The following RANBP3 variants were observed in gnomAD, a reference collection of about 807,000 sequenced individuals.
The protein encoded by RANBP3 is ran-binding protein 3.
Under a neutral mutation model 77.3 loss-of-function variants are expected in RANBP3, and 14 were observed. That is an observed-to-expected ratio of 0.18 (90% CI 0.12 to 0.28). The LOEUF (loss-of-function observed/expected upper bound fraction) is 0.28, where lower values mean the gene tolerates loss of function less well. Among genes scored for constraint, RANBP3 ranks in the 10% least tolerant of loss-of-function variants. RANBP3 has a pLI of 1.00. For synonymous variants in RANBP3, 315 were observed against 312.4 expected (o/e 1.01, Z -0.09); for missense variants, 586 against 752.3 (o/e 0.78, Z 2.59).
chr19:5,940,825 G>A (rs1038991858), intron 5 of RANBP3, among the ~76,000 whole-genome samples: 4 of 152,242 alleles, frequency 2.6e-5, no homozygotes, highest in Admixed American at 2.0e-4. Flanking sequence ...ACGGGGACGA[G>A]AGAATAGCCC....
chr19:5,925,815 C>A, intron 9 of RANBP3, 78 bp from the exon 10 acceptor site: 1 of 1,211,486 alleles, frequency 8.3e-7, no homozygotes, highest in Non-Finnish European at 1.2e-6. Context: ...CTGCAGACCC[C>A]CTGAGCTGCA....
chr19:5,954,863 T>C (rs2058317166), intron 2 of RANBP3, among the ~76,000 whole-genome samples: 1 of 152,216 alleles, frequency 6.6e-6, no homozygotes, highest in South Asian at 2.1e-4. Flanking sequence ...GTGTTTACTT[T>C]CCACCTCACT....
In RANBP3 at chr19:5,956,366, C is replaced by T. The variant is rs2058334888; in HGVS notation, c.78+1552G>A. 3.9e-5 allele frequency among the ~76,000 whole-genome samples: 6 copies of T among 152,262 alleles called. No individual in the cohort carries two copies. The South Asian group carries it at 1.0e-3, about 26-fold the overall frequency. On this transcript the variant is annotated intron_variant, in intron 2 of 16. Transcript: ENST00000340578. ...AACTAGAGAAATGCACCAGTCCTTTCGTACTGATGGAACCTCCAAAAGACA... is the reference window on the plus strand; with the variant it reads ...AACTAGAGAAATGCACCAGTCCTTTTGTACTGATGGAACCTCCAAAAGACA...
At chr19:5,929,986 G>A (rs570824774) in intron 8 of RANBP3, among the ~76,000 whole-genome samples, 11 of 152,340 alleles carry the variant, frequency 7.2e-5, no homozygotes, top group South Asian at 4.1e-4. Flanking sequence ...GGCTGGAACC[G>A]GCAGGAAGAC....
At chr19:5,969,131 T>C (rs1199540677) in intron 1 of RANBP3, among the ~76,000 whole-genome samples, 1 of 152,194 alleles carries the variant, frequency 6.6e-6, no homozygotes, top group Non-Finnish European at 1.5e-5. Context: ...CGGGAAGGGC[T>C]GGGTGGAGCC....
At position 5,917,822 on chromosome 19, in the gene RANBP3, G is replaced by A; in HGVS notation, c.1632C>T (p.Val544=). The part of the protein sequence containing the change: ...NEEDDSDDDD[V]LAPSGATAAG... ...CTGCGGTGGCCCCTGAAGGAGCCAG[G>A]ACATCGTCATCGTCGCTGTCGTCCT... Residue 544 remains valine (V), a synonymous_variant, in exon 16 of 17, where the codon GTC becomes GTT. Transcript: ENST00000340578. The A allele has an allele frequency of 1.9e-6, 3 of 1,612,088 alleles. No individual in the cohort carries two copies. Among genetic ancestry groups the A allele is most frequent in the Non-Finnish European group, 1.7e-6 (2 of 1,179,530 alleles).
At chr19:5,977,607 G>A (rs2058610372) in intron 1 of RANBP3, among the ~76,000 whole-genome samples, 1 of 152,096 alleles carries the variant, frequency 6.6e-6, no homozygotes. Flanking sequence ...GGGCCTCACG[G>A]GCTTAGGAGA....
In RANBP3 at chr19:5,959,464, G is replaced by A. The variant is rs181562616; in HGVS notation, c.23-1491C>T. ...TGACATTCCCCCCACCATGCTCCCCGAAGCCTCGGCACACCAGGGTCTGAT... is the reference window on the plus strand; with the variant it reads ...TGACATTCCCCCCACCATGCTCCCCAAAGCCTCGGCACACCAGGGTCTGAT... On this transcript the variant is annotated intron_variant, in intron 1 of 16. Coordinates refer to ENST00000340578, the MANE Select transcript of RANBP3 (RefSeq NM_007322.3). This position sits in a 1 kb window ranked among gnomAD's most constrained non-coding sequence, Gnocchi z 5.1. Among the ~76,000 whole-genome samples, 48 of 152,134 alleles carry A rather than the reference G, an allele frequency of 3.2e-4. No homozygotes were observed. Among genetic ancestry groups the A allele is most frequent in the Middle Eastern group, 3.4e-3 (1 of 294 alleles).
intron 10 of RANBP3, chr19:5,925,273 G>A (rs1221845446): frequency 4.3e-6 from 2 of 468,834 alleles, no homozygotes; most frequent in Non-Finnish European, 3.9e-6. Context: ...TGCCCCAGGT[G>A]CCCAAACCCA....
rs894011547 is a variant in RANBP3 at position 5,958,901 on chromosome 19, C to T, written c.23-928G>A. ...TCTGGTGAATGCCTGCTGTGGGCTG[C>T]GGGCTGCGCACTGGTGCCTCCGCGT... On this transcript the variant is annotated intron_variant, in intron 1 of 16. Coordinates refer to ENST00000340578, the MANE Select transcript of RANBP3 (RefSeq NM_007322.3). This position sits in a 1 kb window ranked among gnomAD's most constrained non-coding sequence, Gnocchi z 4.4. 1.3e-5 allele frequency among the ~76,000 whole-genome samples: 2 copies of T among 152,252 alleles called. No individual in the cohort carries two copies. The highest frequency in any genetic ancestry group is 2.4e-5 in the African/African-American group (1 of 41,478).
chr19:5,936,449 A>G (rs1004760577), intron 5 of RANBP3, among the ~76,000 whole-genome samples: 4 of 152,078 alleles, frequency 2.6e-5, no homozygotes, highest in Non-Finnish European at 5.9e-5. Context: ...GCAGAGAGTA[A>G]GAGATCATGT....
intron 9 of RANBP3, among the ~76,000 whole-genome samples, 170 bp downstream of exon 9, chr19:5,927,798 G>A (rs1362668423): frequency 6.6e-6 from 1 of 152,198 alleles, no homozygotes; most frequent in Non-Finnish European, 1.5e-5. Context: ...CCAGGGCCCA[G>A]CACACGCACA....
Position 5,921,263 on chromosome 19 carries a change from C to T in RANBP3, c.1268G>A (p.Arg423Gln), listed in dbSNP as rs1182925899. ...CATGTCATTGAGTCTGAGCAGCCCCCGGCCTCTCTCCACCCAGGACTGTGA... is the reference window on the plus strand; with the variant it reads ...CATGTCATTGAGTCTGAGCAGCCCCTGGCCTCTCTCCACCCAGGACTGTGA... ...KTSQSWVERG[R>Q]GLLRLNDMAS... The change falls in exon 14 of 17, where the codon CGG (arginine) becomes CAG (glutamine). Residue 423 changes from arginine (R) to glutamine (Q), a missense_variant. Around this residue, in one of 5 missense-constraint regions of RANBP3, gnomAD observed 51 missense variants for 123.2 expected, o/e 0.41. Transcript: ENST00000340578. This position sits in a 1 kb window ranked among gnomAD's most constrained non-coding sequence, Gnocchi z 5.3. The T allele has an allele frequency of 1.9e-6, 3 of 1,613,618 alleles. No individual in the cohort carries two copies. The highest frequency in any genetic ancestry group is 1.7e-6 in the Non-Finnish European group (2 of 1,179,934).
rs931821643 is a variant in RANBP3 at position 5,924,217 on chromosome 19, C to T, written c.997-303G>A. Among the ~76,000 whole-genome samples, 1 of 152,216 alleles carries T rather than the reference C, an allele frequency of 6.6e-6. No homozygotes were observed. The highest frequency in any genetic ancestry group is 6.5e-5 in the Admixed American group (1 of 15,280). On this transcript the variant is annotated intron_variant, in intron 11 of 16. Transcript: ENST00000340578. This position sits in a 1 kb window ranked among gnomAD's most constrained non-coding sequence, Gnocchi z 4.7. ...CGTGGCCACGAAGGAAGAGAAGCTG[C>T]AGAGTACTTAATGCAGCCTAACTCC...
rs146564387 is a variant in RANBP3 at position 5,952,097 on chromosome 19, G to A, written c.79-501C>T. ...TCAAGGGCTTCTGCCTCTCGCCGGG[G>A]TCAAGGGCTTCTGCCTCTCACTACA... is the stretch of plus-strand genomic sequence containing the variant. On this transcript the variant is annotated intron_variant, in intron 2 of 16. Transcript: ENST00000340578. This position sits in a 1 kb window ranked among gnomAD's most constrained non-coding sequence, Gnocchi z 4.1. 6.6e-6 allele frequency among the ~76,000 whole-genome samples: 1 copy of A among 152,182 alleles called. No individual in the cohort carries two copies. Among genetic ancestry groups the A allele is most frequent in the African/African-American group, 2.4e-5 (1 of 41,436 alleles).
Position 5,932,464 on chromosome 19 carries a change from G to A in RANBP3, c.553C>T (p.Leu185=). Residue 185 remains leucine, a synonymous_variant, in exon 7 of 17, where the codon CTG becomes TTG. Coordinates refer to ENST00000340578, the MANE Select transcript of RANBP3 (RefSeq NM_007322.3). ...TGCTGTTTCTTACCAGTCTGGGACAGCGCCTTTGGCTGCGGAGCTTGTAAC... is the reference window on the plus strand; with the variant it reads ...TGCTGTTTCTTACCAGTCTGGGACAACGCCTTTGGCTGCGGAGCTTGTAAC... ...AVLQAPQPKA[L]SQTVPSSGTN... is the part of the protein sequence containing the mutation. 2 of 1,613,844 alleles carry A rather than the reference G, an allele frequency of 1.2e-6. No homozygotes were observed. The highest frequency in any genetic ancestry group is 4.5e-5 in the East Asian group (2 of 44,890).
chr19:5,939,365 A>G lies in RANBP3; in HGVS notation c.406+2256T>C, dbSNP rs956927537. 2.0e-5 allele frequency among the ~76,000 whole-genome samples: 3 copies of G among 152,178 alleles called. No individual in the cohort carries two copies. In the South Asian group the frequency reaches 6.2e-4, roughly 32 times the overall value. ...TCTCACGCCAGATCCCCAGACTATG[A>G]GCTGAAGAGTTGGGGGAAAAATTTT... On this transcript the variant is annotated intron_variant, in intron 5 of 16. Transcript: ENST00000340578.
chr19:5,954,019 G>A (rs2058306108), intron 2 of RANBP3, among the ~76,000 whole-genome samples: 1 of 152,190 alleles, frequency 6.6e-6, no homozygotes, highest in East Asian at 1.9e-4. Context: ...CACATCAACG[G>A]GACCCACAGA....
chr19:5,956,165 G>A (rs2058332869), intron 2 of RANBP3, among the ~76,000 whole-genome samples: 1 of 152,068 alleles, frequency 6.6e-6, no homozygotes, highest in Non-Finnish European at 1.5e-5. Flanking sequence ...AAAAAACACA[G>A]GTGGCAGTGC....
Sources: gnomAD v4.1 joint callset for allele counts (sites outside exome capture counted in the v4.1 genomes callset) on GRCh38, gnomAD v4.1.1 for gene constraint, gnomAD v4.1.1 regional missense constraint, Gnocchi (gnomAD v3.1) non-coding constraint, MANE v1.5 for transcripts, NCBI Gene and HGNC (gene_info 2026-07-23, HGNC 2026-07-21) for gene names.